Variants in RNF32 observed in about 807,000 individuals in gnomAD.
RNF32 encodes the protein ring finger protein 32.
A neutral mutation model predicts 41.0 loss-of-function variants in RNF32; 36 were observed. The ratio of observed to expected loss-of-function variants is 0.88; its 90% CI spans 0.67 to 1.16. The LOEUF is 1.16. Ranked by LOEUF, RNF32 falls within the 50% of genes most tolerant of loss-of-function variation. The pLI is 0.00. For synonymous variants in RNF32, 154 were observed against 160.9 expected (o/e 0.96, Z 0.32); for missense variants, 413 against 436.7 (o/e 0.95, Z 0.48).
In RNF32 at chr7:156,661,240, G is replaced by A. The variant is rs111644756; in HGVS notation, c.684+2670G>A. Among the ~76,000 whole-genome samples, 694 of 152,144 alleles carry A rather than the reference G, an allele frequency of 4.6e-3. 3 individuals carry two copies. Among genetic ancestry groups the A allele is most frequent in the Middle Eastern group, 0.024 (7 of 294 alleles). On this transcript the variant is annotated intron_variant, in intron 7 of 8. Transcript: ENST00000317955. ...GGGGCATCTCACCTTTCTTCCCATC[G>A]TGGCCAGAAATTCCATTGTTAAGGT...
chr7:156,651,152 T>C (rs1201735375), intron 3 of RNF32, among the ~76,000 whole-genome samples: 6 of 152,172 alleles, frequency 3.9e-5, no homozygotes, highest in African/African-American at 1.4e-4. Flanking sequence ...ATTTTGGGCA[T>C]TACTCTAAGG....
intron 1 of RNF32, among the ~76,000 whole-genome samples, chr7:156,641,688 A>T (rs1055174271): frequency 6.6e-6 from 1 of 152,234 alleles, no homozygotes; most frequent in Non-Finnish European, 1.5e-5. Flanking sequence ...TTGAGATTAA[A>T]TTGCAGACTG....
upstream of RNF32, chr7:156,640,462 G>A (rs987528976): frequency 8.2e-6 from 3 of 365,190 alleles, no homozygotes; most frequent in Admixed American, 1.1e-4. Context: ...CCGTGCTTCA[G>A]CCCGCGGCTC....
intron 3 of RNF32, chr7:156,646,488 C>T: frequency 2.3e-6 from 3 of 1,300,066 alleles, no homozygotes; most frequent in Non-Finnish European, 3.0e-6. Flanking sequence ...CAACTTTAAA[C>T]CAGTATGACC....
At chr7:156,659,357 G>C in intron 7 of RNF32, 1 of 986,728 alleles carries the variant, frequency 1.0e-6, no homozygotes, top group Non-Finnish European at 1.2e-6. Flanking sequence ...TTCTGTTCCT[G>C]AGAGCAGTGT....
Position 156,658,482 on chromosome 7 carries a change from G to C in RNF32, c.596G>C (p.Gly199Ala). The change falls in exon 7 of 9, where the codon GGA (glycine) becomes GCA (alanine). Residue 199 changes from glycine (G) to alanine (A), a missense_variant. By Grantham distance (60) the Gly-to-Ala change is moderately conservative. Transcript: ENST00000317955. ...CVTRIQAYWRGCVVRKWYRNL... is the reference protein window; with the variant it reads ...CVTRIQAYWRACVVRKWYRNL... The stretch of plus-strand genomic sequence containing the variant: ...TTTAGAATCCAAGCCTACTGGAGAG[G>C]ATGTGTTGTTAGAAAGTGGTACAGA... 1 of 1,613,084 alleles carries C rather than the reference G, an allele frequency of 6.2e-7. No individual in the cohort carries two copies. Among genetic ancestry groups the C allele is most frequent in the Non-Finnish European group, 8.5e-7 (1 of 1,179,048 alleles).
chr7:156,640,509 G>T (rs1284407442), upstream of RNF32: 2 of 357,074 alleles, frequency 5.6e-6, no homozygotes, highest in South Asian at 2.1e-5. Flanking sequence ...AAAAACGCCC[G>T]CTGCGCGAGC....
intron 7 of RNF32, among the ~76,000 whole-genome samples, chr7:156,660,979 A>C (rs1276540643): frequency 6.6e-6 from 1 of 152,194 alleles, no homozygotes; most frequent in East Asian, 1.9e-4. Flanking sequence ...CTTTATTTGC[A>C]GTTGGTTAAA....
chr7:156,659,129 A>G (rs142542744), intron 7 of RNF32: 3 of 1,345,160 alleles, frequency 2.2e-6, no homozygotes, highest in African/African-American at 3.0e-5. Flanking sequence ...CCTTGTCCCC[A>G]TATGAAAAGG....
chr7:156,670,104 G>A lies in RNF32; in HGVS notation c.685-5592G>A, dbSNP rs966065321. ...AATTATAAATTTTATGACTTTCACAGTGCATCTTTACACCAGAATGTCAGT... is the reference window on the plus strand; with the variant it reads ...AATTATAAATTTTATGACTTTCACAATGCATCTTTACACCAGAATGTCAGT... On this transcript the variant is annotated intron_variant, in intron 7 of 8. Transcript: ENST00000317955. This position sits in a 1 kb window ranked among gnomAD's most constrained non-coding sequence, Gnocchi z 4.3. Among the ~76,000 whole-genome samples, 5 of 152,138 alleles carry A rather than the reference G, an allele frequency of 3.3e-5. No homozygotes were observed. Among genetic ancestry groups the A allele is most frequent in the African/African-American group, 1.2e-4 (5 of 41,408 alleles).
intron 5 of RNF32, 94 bp downstream of exon 5, chr7:156,657,667 C>G: frequency 8.4e-7 from 1 of 1,194,490 alleles, no homozygotes. Context: ...TAAGGAGAGC[C>G]ATTTATTTTA....
chr7:156,658,630 T>C, intron 7 of RNF32, 60 bp downstream of exon 7: 1 of 1,116,408 alleles, frequency 9.0e-7, no homozygotes, highest in Non-Finnish European at 1.4e-6. Context: ...TCACTTGGGG[T>C]CAGGAAGGCT....
rs902705772 is a variant in RNF32, at chr7:156,670,397, C to G, written c.685-5299C>G. Among the ~76,000 whole-genome samples the G allele has an allele frequency of 6.6e-6, 1 of 152,144 alleles. No homozygotes were observed. Among genetic ancestry groups the G allele is most frequent in the African/African-American group, 2.4e-5 (1 of 41,426 alleles). ...AAGCGGGTCCAGGGAAGTGACTTGC[C>G]TAAGAGAGGATGTGGCGCAGGATGT... On this transcript the variant is annotated intron_variant, in intron 7 of 8. Transcript: ENST00000317955. This position sits in a 1 kb window ranked among gnomAD's most constrained non-coding sequence, Gnocchi z 4.3.
chr7:156,642,118 TAG>T (rs1271965016), intron 1 of RNF32, among the ~76,000 whole-genome samples: 1 of 152,222 alleles, frequency 6.6e-6, no homozygotes, highest in South Asian at 2.1e-4. Context: ...TTTCTATTTT[TAG>T]AGTTAGGCCC....
At chr7:156,648,028 TG>T (rs373881386) in intron 3 of RNF32, among the ~76,000 whole-genome samples, 3,294 of 121,350 alleles carry the variant, frequency 0.027, 107 homozygotes, top group East Asian at 0.14. Flanking sequence ...TGGGATTATT[TG>T]TTTTTTTTTT....
Position 156,657,538 on chromosome 7 carries a change from C to CAGGT in RNF32, c.418-2_419dup, listed in dbSNP as rs757448988. 1 of 1,613,996 alleles carries CAGGT rather than the reference C, an allele frequency of 6.2e-7. No individual in the cohort carries two copies. The highest frequency in any genetic ancestry group is 8.5e-7 in the Non-Finnish European group (1 of 1,179,968). On this transcript the variant is annotated splice_region_variant and splice_polypyrimidine_tract_variant and intron_variant, in intron 4 of 8. Coordinates refer to ENST00000317955, the MANE Select transcript of RNF32 (RefSeq NM_030936.4). ...CAACGTCGTTCTGTTTCCTCATGAA[C>CAGGT]AGGTGCTGCTTTCATGCTCCCATGT... is the stretch of plus-strand genomic sequence containing the variant.
Position 156,654,736 on chromosome 7 carries a change from G to A in RNF32, c.417+18G>A. 6 of 1,607,790 alleles carry A rather than the reference G, an allele frequency of 3.7e-6. No homozygotes were observed. Among genetic ancestry groups the A allele is most frequent in the Non-Finnish European group, 5.1e-6 (6 of 1,174,780 alleles). ...GTCCTCAGGTGTTTAGCATACGAGG[G>A]TGAGCTAGAGAGCTCCTGGGCTGTT... On this transcript the variant is annotated intron_variant, in intron 4 of 8. Transcript: ENST00000317955.
intron 7 of RNF32, among the ~76,000 whole-genome samples, chr7:156,664,860 T>G (rs1337197156): frequency 1.3e-5 from 2 of 152,202 alleles, no homozygotes; most frequent in African/African-American, 4.8e-5. Context: ...TTTCCAATGA[T>G]AGAAACAGAA....
intron 3 of RNF32, among the ~76,000 whole-genome samples, chr7:156,649,972 T>C (rs1023318848): frequency 7.9e-5 from 12 of 152,366 alleles, no homozygotes; most frequent in African/African-American, 2.9e-4. Flanking sequence ...ATAGGGATGA[T>C]ATGTTCCTTA....
Sources: allele counts gnomAD v4.1 joint callset (sites outside exome capture counted in the v4.1 genomes callset), GRCh38; gene constraint gnomAD v4.1.1; non-coding constraint Gnocchi (gnomAD v3.1); transcripts MANE v1.5; gene names NCBI Gene and HGNC (gene_info 2026-07-23, HGNC 2026-07-21).